SLC44A4: variants seen among roughly 807,000 people sequenced by gnomAD.
SLC44A4 encodes choline transporter-like protein 4.
In SLC44A4, 74 loss-of-function variants were observed where a neutral mutation model predicts 97.0. The observed-to-expected ratio is 0.76, with a 90% CI of 0.63 to 0.93. SLC44A4 has a LOEUF of 0.93. SLC44A4 is among the 40% of genes least tolerant of loss of function. The pLI, the probability that SLC44A4 is intolerant of heterozygous loss-of-function variation, is 0.00. For missense variants in SLC44A4, 799 were observed against 902.9 expected (o/e 0.88, Z 1.48); for synonymous variants, 325 against 363.8 (o/e 0.89, Z 1.21).
Position 31,863,733 on chromosome 6 carries a change from C to T in SLC44A4, c.2027G>A (p.Arg676Gln), listed in dbSNP as rs769398795. Reference protein sequence around the residue: ...LFLCFLEDLERNNGSLDRPYY... With the variant: ...LFLCFLEDLEQNNGSLDRPYY... ...GGGCCGGTCCAGGGAGCCGTTGTTC[C>T]GCTCCAGGTCTTCCACTGAGCCGCA... The change falls in exon 21 of 21, where the codon CGG (arginine) becomes CAG (glutamine). Residue 676 changes from arginine (R) to glutamine (Q), a missense_variant. By Grantham distance (43) the Arg-to-Gln change is conservative (BLOSUM62 1). Around this residue, in one of 3 missense-constraint regions of SLC44A4, gnomAD observed 379 missense variants for 438.3 expected, o/e 0.86. Coordinates refer to ENST00000229729, the MANE Select transcript of SLC44A4 (RefSeq NM_025257.3). 6.2e-7 allele frequency: 1 copy of T among 1,612,682 alleles called. No homozygotes were observed. The highest frequency in any genetic ancestry group is 1.1e-5 in the South Asian group (1 of 91,042).
Position 31,864,909 on chromosome 6 carries a change from C to T in SLC44A4, c.1833G>A (p.Gly611=), listed in dbSNP as rs1200715723. 6 of 1,613,870 alleles carry T rather than the reference C, an allele frequency of 3.7e-6. No individual in the cohort carries two copies. Among genetic ancestry groups the T allele is most frequent in the Middle Eastern group, 1.6e-4 (1 of 6,082 alleles). ...FGKLLVVGGV[G]VLSFFFFSGR... ...CGGAGAAAAAAAAGAAGGACAGGAC[C>T]CCTGTGGAATAATTCTGGGGGTTAG... Residue 611 remains glycine, a splice_region_variant and synonymous_variant, in exon 19 of 21, where the codon GGG becomes GGA. Transcript: ENST00000229729.
In SLC44A4 at chr6:31,869,742, T is replaced by A. The variant is rs1054464886; in HGVS notation, c.1038-105A>T. ...GGCTCACGCCTGTAATCCCAGCACT[T>A]TGGGAGGCTGAGGCGGGCGGATCAC... On this transcript the variant is annotated intron_variant, in intron 11 of 20. Transcript: ENST00000229729. The A allele has an allele frequency of 4.9e-6, 4 of 821,620 alleles. No individual in the cohort carries two copies. In the African/African-American group the frequency reaches 6.8e-5, roughly 14 times the overall value. 50.9% of individuals were successfully genotyped at this position (821,620 alleles called of 1,614,324 possible).
chr6:31,876,974 C>T lies in SLC44A4; in HGVS notation c.89+60G>A. 2.0e-6 allele frequency: 3 copies of T among 1,488,362 alleles called. No homozygotes were observed. The highest frequency in any genetic ancestry group is 1.8e-6 in the Non-Finnish European group (2 of 1,095,504). The allele number at this position is 1,488,362 out of a possible 1,614,324, so 92.2% of individuals were successfully genotyped here. A position where few individuals can be genotyped will look rare whatever the true frequency, so the allele number is the denominator to read the frequency against. ...TATTTTAGCAAATACAAAGCAAATACTGGATTCCACACTGCACCCACCACC... is the reference window on the plus strand; with the variant it reads ...TATTTTAGCAAATACAAAGCAAATATTGGATTCCACACTGCACCCACCACC... On this transcript the variant is annotated intron_variant, in intron 2 of 20. Transcript: ENST00000229729. The surrounding 1 kb of genome is among the most constrained non-coding windows in gnomAD (Gnocchi z 4.8).
chr6:31,875,859 C>A lies in SLC44A4; in HGVS notation c.235G>T (p.Glu79Ter), dbSNP rs1763411192. The change falls in exon 4 of 21, where the codon GAG becomes TAG. Residue 79 changes from glutamate (E) to a stop codon, truncating the protein, a stop_gained. Coordinates refer to ENST00000229729, the MANE Select transcript of SLC44A4 (RefSeq NM_025257.3). LOFTEE classifies it high-confidence loss of function. ...TCTCGCCTTTGTACTCACTTGTTCT[C>A]CCCCATGCCACAGTAGGCCCCAGTA... ...NSTGAYCGMGENKDKPYLLYF... is the reference protein window; with the variant it reads ...NSTGAYCGMG 6.2e-7 allele frequency: 1 copy of A among 1,610,456 alleles called. No homozygotes were observed. The highest frequency in any genetic ancestry group is 8.5e-7 in the Non-Finnish European group (1 of 1,178,068).
At chr6:31,869,470 ACAGGG>A (rs1763030905) in intron 12 of SLC44A4, 70 bp downstream of exon 12, 6 of 1,307,674 alleles carry the variant, frequency 4.6e-6, no homozygotes, top group Middle Eastern at 2.0e-4. Context: ...AAGGCACTCT[ACAGGG>A]CAAGTATTGC....
Position 31,870,869 on chromosome 6 carries a change from C to T in SLC44A4, c.880G>A (p.Gly294Ser). ...RDKGASISQL[G>S]FTTNLSAYQS... ...TAGGCACTGAGGTTGGTGGTGAAAC[C>T]CAGCTGGGAGATGGAGGCGCCCTTG... Residue 294 changes from glycine to serine, a missense_variant, in exon 10 of 21, where the codon GGT becomes AGT. By Grantham distance (56) the Gly-to-Ser change is moderately conservative. This residue lies in a region of SLC44A4 where 409 missense variants were observed against 434.1 expected (regional missense o/e 0.94). Transcript: ENST00000229729. 6.2e-7 allele frequency: 1 copy of T among 1,613,054 alleles called. No homozygotes were observed. The highest frequency in any genetic ancestry group is 8.5e-7 in the Non-Finnish European group (1 of 1,180,000).
chr6:31,871,629 C>A (rs1194705409), intron 7 of SLC44A4, 68 bp from the exon 8 acceptor site: 2 of 1,234,718 alleles, frequency 1.6e-6, no homozygotes, highest in Non-Finnish European at 2.4e-6. Context: ...CTGGCCCCCT[C>A]CCAGTCCACA....
rs1454158432 is a variant in SLC44A4, at chr6:31,864,651, C to T, written c.2011+1G>A. ...GACAGGTGGCTGGGGGTGTCACTCA[C>T]GGAAGCAGAGGAAGAGCGTGTCCAC... On this transcript the variant is annotated splice_donor_variant, in intron 20 of 20. Transcript: ENST00000229729. LOFTEE classifies it high-confidence loss of function. 10 of 1,613,578 alleles carry T rather than the reference C, an allele frequency of 6.2e-6. No individual in the cohort carries two copies. The highest frequency in any genetic ancestry group is 2.2e-5 in the East Asian group (1 of 44,894).
chr6:31,871,087 C>T, intron 9 of SLC44A4, 40 bp from the exon 10 acceptor site: 2 of 1,549,966 alleles, frequency 1.3e-6, no homozygotes, highest in Non-Finnish European at 1.8e-6. Context: ...AGCCCTAGCC[C>T]CTCAAATCTT....
chr6:31,874,844 C>A lies in SLC44A4; in HGVS notation c.345G>T (p.Val115=). 1.2e-6 allele frequency: 2 copies of A among 1,612,130 alleles called. No homozygotes were observed. Among genetic ancestry groups the A allele is most frequent in the Non-Finnish European group, 1.7e-6 (2 of 1,179,104 alleles). The change falls in exon 6 of 21, where the codon GTG becomes GTT. Residue 115 remains valine, a splice_region_variant and synonymous_variant. Coordinates refer to ENST00000229729, the MANE Select transcript of SLC44A4 (RefSeq NM_025257.3). This position sits in a 1 kb window ranked among gnomAD's most constrained non-coding sequence, Gnocchi z 4.8. ...ENGLQCPTPQ[V]CVSSCPEDPW... is the part of the protein sequence containing the mutation. ...GGTCCTCCGGGCAGGAGGACACACA[C>A]ACCTGGGTGCAGAGAGAACACTAAG... is the stretch of plus-strand genomic sequence containing the variant.
In SLC44A4 at chr6:31,870,587, C is replaced by A; in HGVS notation, c.1037+16G>T. ...CGCTGTCCTCAACCCCATCTCCCTC[C>A]CAGGCAGGCCCTAACTTGCTGGCCT... On this transcript the variant is annotated intron_variant, in intron 11 of 20. Coordinates refer to ENST00000229729, the MANE Select transcript of SLC44A4 (RefSeq NM_025257.3). The A allele has an allele frequency of 1.3e-6, 2 of 1,575,936 alleles. No homozygotes were observed.
intron 13 of SLC44A4, among the ~76,000 whole-genome samples, 191 bp downstream of exon 13, chr6:31,868,964 T>C (rs1763000099): frequency 6.6e-6 from 1 of 152,138 alleles, no homozygotes; most frequent in Non-Finnish European, 1.5e-5. Flanking sequence ...CCCCACATGA[T>C]GGATGGCTCA....
chr6:31,878,455 A>G lies in SLC44A4; in HGVS notation c.40+486T>C, dbSNP rs1191929618. ...CCCCTCACTCCTCAAGGGAGCCGGC[A>G]GACCACAAGCAGCTTTCGCCCTCAG... On this transcript the variant is annotated intron_variant, in intron 1 of 20. Transcript: ENST00000229729. The surrounding 1 kb of genome is among the most constrained non-coding windows in gnomAD (Gnocchi z 4.0). Among the ~76,000 whole-genome samples, 1 of 151,948 alleles carries G rather than the reference A, an allele frequency of 6.6e-6. No homozygotes were observed. The highest frequency in any genetic ancestry group is 1.5e-5 in the Non-Finnish European group (1 of 67,964).
In SLC44A4 at chr6:31,865,371, C is replaced by T. The variant is rs539900493; in HGVS notation, c.1704G>A (p.Lys568=). The change falls in exon 17 of 21, where the codon AAG becomes AAA. Residue 568 remains lysine, a synonymous_variant. Coordinates refer to ENST00000229729, the MANE Select transcript of SLC44A4 (RefSeq NM_025257.3). This position sits in a 1 kb window ranked among gnomAD's most constrained non-coding sequence, Gnocchi z 5.2. ...NAYIMIAIYG[K]NFCVSAKNAF... ...CATTTTTGGCTGAGACACAGAAATT[C>T]TTCCCGTAGATGGCGATCTGAGGGA... The T allele has an allele frequency of 1.2e-6, 2 of 1,614,006 alleles. No homozygotes were observed. Among genetic ancestry groups the T allele is most frequent in the Non-Finnish European group, 1.7e-6 (2 of 1,180,034 alleles).
Position 31,877,230 on chromosome 6 carries a change from G to A in SLC44A4, c.41-148C>T. The A allele has an allele frequency of 1.3e-6, 1 of 796,720 alleles. No homozygotes were observed. Among genetic ancestry groups the A allele is most frequent in the Non-Finnish European group, 2.0e-6 (1 of 498,872 alleles). The allele number at this position is 796,720 out of a possible 1,614,324, so 49.4% of individuals were successfully genotyped here. A position where few individuals can be genotyped will look rare whatever the true frequency, so the allele number is the denominator to read the frequency against. On this transcript the variant is annotated intron_variant, in intron 1 of 20. Transcript: ENST00000229729. The surrounding 1 kb of genome is among the most constrained non-coding windows in gnomAD (Gnocchi z 6.5). ...AGGACTGGCAGGAGGGGAAAACTGG[G>A]GAGCAGGAAAGGTAGGATCCAGGCC...
In SLC44A4 at chr6:31,869,526, C is replaced by T; in HGVS notation, c.1130+19G>A. 1 of 1,580,992 alleles carries T rather than the reference C, an allele frequency of 6.3e-7. No individual in the cohort carries two copies. The highest frequency in any genetic ancestry group is 8.6e-7 in the Non-Finnish European group (1 of 1,162,712). On this transcript the variant is annotated intron_variant, in intron 12 of 20. Transcript: ENST00000229729. Reference sequence around the variant, plus strand: ...CCCCCAGGACTCCAAGAGTGGCTGGCTGCGTGGGCAGAGGATACAGAGCAG... The same window carrying T: ...CCCCCAGGACTCCAAGAGTGGCTGGTTGCGTGGGCAGAGGATACAGAGCAG...
intron 4 of SLC44A4, 112 bp from the exon 5 acceptor site, chr6:31,875,140 A>G (rs891370477): frequency 7.6e-6 from 6 of 786,462 alleles, no homozygotes. Context: ...AGCGTGGCCC[A>G]TACCAGTCAC....
At position 31,865,530 on chromosome 6, in the gene SLC44A4, T is replaced by C. The variant is rs753113597; in HGVS notation, c.1654A>G (p.Ile552Val). The part of the protein sequence containing the change: ...KCCLWCLEKF[I>V]KFLNRNAYIM... ...TATGCATTGCGGTTTAGGAACTTGA[T>C]AAATTTTTCCAGACACCAGAGGCAG... is the stretch of plus-strand genomic sequence containing the variant. The change falls in exon 16 of 21, where the codon ATC becomes GTC. Residue 552 changes from isoleucine (I) to valine (V), a missense_variant. Physicochemically the swap from Ile to Val is conservative, Grantham distance 29. Transcript: ENST00000229729. The surrounding 1 kb of genome is among the most constrained non-coding windows in gnomAD (Gnocchi z 5.2). 3 of 1,600,630 alleles carry C rather than the reference T, an allele frequency of 1.9e-6. No homozygotes were observed. The highest frequency in any genetic ancestry group is 2.2e-5 in the South Asian group (2 of 90,152).
intron 4 of SLC44A4, among the ~76,000 whole-genome samples, chr6:31,875,529 T>C (rs1329218194): frequency 6.6e-6 from 1 of 152,234 alleles, no homozygotes; most frequent in African/African-American, 2.4e-5. Flanking sequence ...CTCAGAGAGC[T>C]TGAGTAACTT....
Sources: gnomAD v4.1 joint callset for allele counts (sites outside exome capture counted in the v4.1 genomes callset) on GRCh38, gnomAD v4.1.1 for gene constraint, gnomAD v4.1.1 regional missense constraint, Gnocchi (gnomAD v3.1) non-coding constraint, MANE v1.5 for transcripts, NCBI Gene and HGNC (gene_info 2026-07-23, HGNC 2026-07-21) for gene names.